Variants in NBEA observed in about 807,000 individuals in gnomAD.
NBEA encodes the protein neurobeachin.
NBEA carries 44 observed loss-of-function variants against 343.4 expected under a neutral mutation model. That is an observed-to-expected ratio of 0.13 (90% CI 0.10 to 0.16). The LOEUF is 0.16. Among genes scored for constraint, NBEA ranks in the 10% least tolerant of loss-of-function variants. The pLI is 1.00. For synonymous variants in NBEA, 1,175 were observed against 1,238.7 expected, an observed-to-expected ratio of 0.95 and a Z score of 1.08; for missense variants, 2,555 against 3,631.3, an observed-to-expected ratio of 0.70 and a Z score of 7.62.
chr13:35,445,810 A>ATATG lies in NBEA; in HGVS notation c.6305-6279_6305-6278insGTAT, dbSNP rs1216179922. Among the ~76,000 whole-genome samples, 6 of 135,476 alleles carry ATATG rather than the reference A, an allele frequency of 4.4e-5. No homozygotes were observed. In the South Asian group the frequency reaches 1.5e-3, roughly 33 times the overall value. The allele number at this position is 135,476 out of a possible 152,430, so 88.9% of individuals were successfully genotyped here. On this transcript the variant is annotated intron_variant, in intron 39 of 58. Coordinates refer to ENST00000379939, the MANE Select transcript of NBEA (RefSeq NM_001385012.1). Reference sequence around the variant, plus strand: ...TATATATATATATATATATATATATATATATATGTATATATATATATTATA... The same window carrying ATATG: ...TATATATATATATATATATATATATATATGTATATATGTATATATATATATTATA...
chr13:35,211,198 T>C lies in NBEA; in HGVS notation c.5648+19T>C. Reference sequence around the variant, plus strand: ...ATATGAGGTATGCATGACTACTTTTTATTCATTTTAACTCTTTTTAAATGT... The same window carrying C: ...ATATGAGGTATGCATGACTACTTTTCATTCATTTTAACTCTTTTTAAATGT... On this transcript the variant is annotated intron_variant, in intron 33 of 58. Transcript: ENST00000379939. The C allele has an allele frequency of 6.5e-7, 1 of 1,537,974 alleles. No individual in the cohort carries two copies. Among genetic ancestry groups the C allele is most frequent in the Non-Finnish European group, 8.8e-7 (1 of 1,140,686 alleles).
chr13:35,383,867 G>A (rs910291788), intron 38 of NBEA, among the ~76,000 whole-genome samples: 1 of 152,020 alleles, frequency 6.6e-6, no homozygotes, highest in African/African-American at 2.4e-5. Flanking sequence ...AAATTTGTGT[G>A]TATGAGCATG....
chr13:35,332,632 C>G (rs1444451853), intron 36 of NBEA, among the ~76,000 whole-genome samples: 1 of 152,002 alleles, frequency 6.6e-6, no homozygotes, highest in Non-Finnish European at 1.5e-5. Context: ...AGAAATTTAA[C>G]TTTGGATAAC....
At chr13:35,262,861 A>G (rs991042555) in intron 34 of NBEA, among the ~76,000 whole-genome samples, 4 of 152,224 alleles carry the variant, frequency 2.6e-5, no homozygotes, top group Non-Finnish European at 5.9e-5. Flanking sequence ...AAGCTATTCC[A>G]TGTTCATGGG....
At chr13:35,204,505 C>T (rs1439109737) in intron 31 of NBEA, among the ~76,000 whole-genome samples, 3 of 151,992 alleles carry the variant, frequency 2.0e-5, no homozygotes, top group South Asian at 2.1e-4. Flanking sequence ...CAGGAAAGAC[C>T]GGCCCTCGTG....
chr13:35,062,356 C>T lies in NBEA; in HGVS notation c.1239+3493C>T, dbSNP rs566456805. ...AAAGATTGGGGTAAAAAAATAGAAC[C>T]CTAGAGATGGATGGGGCAATTTTGA... is the stretch of plus-strand genomic sequence containing the variant. On this transcript the variant is annotated intron_variant, in intron 8 of 58. Transcript: ENST00000379939. Among the ~76,000 whole-genome samples, 288 of 151,360 alleles carry T rather than the reference C, an allele frequency of 1.9e-3. 1 individual carries two copies. The highest frequency in any genetic ancestry group is 3.6e-3 in the Non-Finnish European group (244 of 67,560).
intron 36 of NBEA, among the ~76,000 whole-genome samples, chr13:35,339,281 T>A (rs2039447917): frequency 6.6e-6 from 1 of 151,516 alleles, no homozygotes; most frequent in African/African-American, 2.4e-5. Flanking sequence ...AAGGATCTGT[T>A]AGAGCTAATA....
intron 35 of NBEA, among the ~76,000 whole-genome samples, chr13:35,307,905 T>C (rs1174585207): frequency 6.6e-6 from 1 of 152,048 alleles, no homozygotes; most frequent in Non-Finnish European, 1.5e-5. Context: ...TGTTTGAAAG[T>C]TTCAGTAAGT....
At chr13:35,589,340 A>C (rs1019735296) in intron 46 of NBEA, among the ~76,000 whole-genome samples, 7 of 152,108 alleles carry the variant, frequency 4.6e-5, no homozygotes, top group Admixed American at 1.3e-4. Flanking sequence ...AATTACACCT[A>C]CTCTGAAGGG....
intron 35 of NBEA, among the ~76,000 whole-genome samples, chr13:35,308,558 G>T (rs1203547846): frequency 9.4e-6 from 1 of 106,292 alleles, no homozygotes; most frequent in Non-Finnish European, 1.8e-5. Context: ...ATGTATATAT[G>T]TATATATGTA....
intron 40 of NBEA, among the ~76,000 whole-genome samples, chr13:35,468,444 C>T (rs938886612): frequency 2.6e-5 from 4 of 152,230 alleles, no homozygotes; most frequent in Admixed American, 2.0e-4. Flanking sequence ...TGCTACATCT[C>T]TTCAATTAGA....
At chr13:35,242,036 A>T (rs1450099777) in intron 34 of NBEA, among the ~76,000 whole-genome samples, 2 of 151,956 alleles carry the variant, frequency 1.3e-5, no homozygotes, top group Non-Finnish European at 2.9e-5. Context: ...AACATAGTTC[A>T]TGCAAAGGAA....
At chr13:35,399,696 C>T (rs1353536492) in intron 38 of NBEA, among the ~76,000 whole-genome samples, 7 of 152,248 alleles carry the variant, frequency 4.6e-5, no homozygotes, top group Non-Finnish European at 1.0e-4. Flanking sequence ...GCATTCACAA[C>T]TTGGCTAACC....
intron 1 of NBEA, among the ~76,000 whole-genome samples, chr13:34,986,464 C>T (rs2060550754): frequency 6.6e-6 from 1 of 150,748 alleles, no homozygotes; most frequent in Non-Finnish European, 1.5e-5. Context: ...ACCATGTGGT[C>T]AATTTTGGAA....
intron 44 of NBEA, among the ~76,000 whole-genome samples, chr13:35,562,085 C>A (rs2079882562): frequency 6.6e-6 from 1 of 152,002 alleles, no homozygotes; most frequent in African/African-American, 2.4e-5. Flanking sequence ...GTAATGTATA[C>A]AGGTTTGCTT....
intron 13 of NBEA, among the ~76,000 whole-genome samples, chr13:35,114,286 G>A (rs2066386993): frequency 6.6e-6 from 1 of 152,146 alleles, no homozygotes; most frequent in Admixed American, 6.5e-5. Flanking sequence ...AAAGCCACAT[G>A]GCTCAACCTA....
intron 34 of NBEA, among the ~76,000 whole-genome samples, chr13:35,287,399 G>A (rs755539151): frequency 5.3e-5 from 8 of 151,814 alleles, no homozygotes; most frequent in Admixed American, 2.6e-4. Flanking sequence ...CATTTCTCCC[G>A]TTTTATAACT....
chr13:35,077,357 C>T (rs1006953488), intron 10 of NBEA, among the ~76,000 whole-genome samples: 3 of 152,016 alleles, frequency 2.0e-5, no homozygotes, highest in Non-Finnish European at 4.4e-5. Context: ...AATTCATAAA[C>T]TTCTCATCTA....
intron 13 of NBEA, among the ~76,000 whole-genome samples, chr13:35,116,192 A>G (rs116910669): frequency 0.046 from 6,959 of 152,252 alleles, 235 homozygotes; most frequent in Non-Finnish European, 0.067. Flanking sequence ...TATGATAGAA[A>G]TCAGAAGTAC....
Sources: allele counts gnomAD v4.1 joint callset (sites outside exome capture counted in the v4.1 genomes callset), GRCh38; gene constraint gnomAD v4.1.1; transcripts MANE v1.5; gene names NCBI Gene and HGNC (gene_info 2026-07-23, HGNC 2026-07-21).